EPHB1: variants seen among roughly 807,000 people sequenced by gnomAD.
EPHB1 encodes the protein EPH receptor B1.
Under a neutral mutation model 94.4 loss-of-function variants are expected in EPHB1, and 30 were observed. The observed-to-expected ratio is 0.32, with a 90% confidence interval of 0.24 to 0.43. EPHB1 has a LOEUF of 0.43. Ranked by LOEUF, EPHB1 falls within the 20% of genes least tolerant of loss-of-function variation. EPHB1 has a pLI of 1.00. For synonymous variants in EPHB1, 522 were observed against 489.1 expected (o/e 1.07, Z -0.89); for missense variants, 1,055 against 1,308.3 (o/e 0.81, Z 2.99).
At chr3:135,001,490 C>A in intron 3 of EPHB1, among the ~76,000 whole-genome samples, 1 of 152,184 alleles carries the variant, frequency 6.6e-6, no homozygotes, top group Non-Finnish European at 1.5e-5. Context: ...TTTAAAAGAT[C>A]ATATGCCAAT....
chr3:134,815,136 T>C (rs903097880), intron 1 of EPHB1, among the ~76,000 whole-genome samples: 1 of 152,232 alleles, frequency 6.6e-6, no homozygotes, highest in Non-Finnish European at 1.5e-5. Flanking sequence ...TTAAAGGATA[T>C]GATTTGGACA....
At chr3:134,956,292 T>C (rs1038627416) in intron 3 of EPHB1, among the ~76,000 whole-genome samples, 1 of 152,154 alleles carries the variant, frequency 6.6e-6, no homozygotes, top group Non-Finnish European at 1.5e-5. Flanking sequence ...TATGTGGATC[T>C]GTTCTTCCCC....
At chr3:135,213,415 T>C (rs1015783310) in intron 12 of EPHB1, among the ~76,000 whole-genome samples, 3 of 152,266 alleles carry the variant, frequency 2.0e-5, no homozygotes, top group African/African-American at 7.2e-5. Context: ...TATTTCTGAA[T>C]GTCGTTATGT....
chr3:134,798,203 C>G (rs1186956291), intron 1 of EPHB1, among the ~76,000 whole-genome samples: 2 of 152,168 alleles, frequency 1.3e-5, no homozygotes, highest in Admixed American at 1.3e-4. Flanking sequence ...CCATCCAGGG[C>G]AAATTGCTCT....
intron 1 of EPHB1, 90 bp from the exon 2 acceptor site, chr3:134,925,726 A>C: frequency 9.0e-7 from 1 of 1,111,526 alleles, no homozygotes; most frequent in East Asian, 2.8e-5. Context: ...ATTTACTATC[A>C]CAAACAACTT....
At chr3:134,814,566 G>A (rs543253178) in intron 1 of EPHB1, among the ~76,000 whole-genome samples, 1 of 152,274 alleles carries the variant, frequency 6.6e-6, no homozygotes, top group South Asian at 2.1e-4. Context: ...TGATAGAAAA[G>A]GCAGGGCATA....
At chr3:135,090,810 T>C (rs1329878369) in intron 3 of EPHB1, among the ~76,000 whole-genome samples, 1 of 152,244 alleles carries the variant, frequency 6.6e-6, no homozygotes, top group African/African-American at 2.4e-5. Flanking sequence ...CTCAAAGCTT[T>C]TGCTCTGCCA....
At chr3:135,038,870 C>T (rs1248494223) in intron 3 of EPHB1, among the ~76,000 whole-genome samples, 1 of 152,124 alleles carries the variant, frequency 6.6e-6, no homozygotes, top group Admixed American at 6.5e-5. Flanking sequence ...ATGCTGGCTC[C>T]AGCAGCCTGC....
rs746798014 is a variant in EPHB1, at chr3:135,201,570, C to T, written c.2227C>T (p.Arg743Trp). The T allele has an allele frequency of 4.3e-6, 7 of 1,613,970 alleles. No homozygotes were observed. The highest frequency in any genetic ancestry group is 3.3e-5 in the Admixed American group (2 of 60,000). The change falls in exon 12 of 16, where the codon CGG (arginine) becomes TGG (tryptophan). Residue 743 changes from arginine to tryptophan, a missense_variant. Arg to Trp is a moderately radical substitution (Grantham distance 101). Coordinates refer to ENST00000398015, the MANE Select transcript of EPHB1 (RefSeq NM_004441.5). ...KYLAEMNYVH[R>W]DLAARNILVN... is the part of the protein sequence containing the mutation. ...CCTGGCTGAGATGAATTATGTGCAT[C>T]GGGACCTGGCTGCTAGGAACATTCT...
At chr3:135,127,416 T>G (rs1483288715) in intron 4 of EPHB1, among the ~76,000 whole-genome samples, 1 of 152,192 alleles carries the variant, frequency 6.6e-6, no homozygotes, top group Non-Finnish European at 1.5e-5. Context: ...GCTCCAACCT[T>G]GTGGACAACC....
intron 1 of EPHB1, among the ~76,000 whole-genome samples, chr3:134,912,067 A>G (rs1560292999): frequency 6.6e-6 from 1 of 152,188 alleles, no homozygotes; most frequent in Non-Finnish European, 1.5e-5. Context: ...AGCCTGGGCC[A>G]CCATCCATCG....
chr3:134,857,913 C>A (rs1375629008), intron 1 of EPHB1, among the ~76,000 whole-genome samples: 1 of 151,786 alleles, frequency 6.6e-6, no homozygotes, highest in African/African-American at 2.4e-5. Flanking sequence ...AACACATTGG[C>A]ATCTTGGTTT....
intron 3 of EPHB1, among the ~76,000 whole-genome samples, chr3:135,059,930 A>G (rs73864241): frequency 0.089 from 13,554 of 152,204 alleles, 802 homozygotes; most frequent in African/African-American, 0.17. Flanking sequence ...TGCCTGCAGG[A>G]GCCCAGCCAG....
At chr3:134,916,547 C>T (rs901407182) in intron 1 of EPHB1, among the ~76,000 whole-genome samples, 1 of 152,238 alleles carries the variant, frequency 6.6e-6, no homozygotes, top group African/African-American at 2.4e-5. Context: ...GAGTGCAGCT[C>T]CAGTGGGCTG....
chr3:135,187,587 G>T (rs754840276), intron 10 of EPHB1, among the ~76,000 whole-genome samples: 2 of 152,058 alleles, frequency 1.3e-5, no homozygotes, highest in African/African-American at 4.8e-5. Context: ...AGTGACACAG[G>T]GTCTTGATTT....
chr3:135,006,928 G>A (rs1373181944), intron 3 of EPHB1, among the ~76,000 whole-genome samples: 1 of 152,140 alleles, frequency 6.6e-6, no homozygotes, highest in East Asian at 1.9e-4. Flanking sequence ...CCCGACAGCT[G>A]AAACATGGTA....
chr3:135,162,084 C>T lies in EPHB1; in HGVS notation c.1489C>T (p.Arg497Trp), dbSNP rs371083718. The change falls in exon 7 of 16, where the codon CGG (arginine) becomes TGG (tryptophan). Residue 497 changes from arginine to tryptophan, a missense_variant. Transcript: ENST00000398015. The part of the protein sequence containing the change: ...QTNTARIDGL[R>W]PGMVYVVQVR... ...CAACACAGCAAGGATTGATGGGCTG[C>T]GGCCTGGCATGGTATATGTGGTACA... is the stretch of plus-strand genomic sequence containing the variant. The T allele has an allele frequency of 1.9e-6, 3 of 1,613,532 alleles. No individual in the cohort carries two copies. Among genetic ancestry groups the T allele is most frequent in the Admixed American group, 1.7e-5 (1 of 59,990 alleles).
chr3:135,251,052 AT>A lies in EPHB1; in HGVS notation c.2846+1573del, dbSNP rs71245397. On this transcript the variant is annotated intron_variant, in intron 15 of 15. Transcript: ENST00000398015. ...GTCCAGCTCTACCTCTCTGAGGTCT[AT>A]TTTTTTTTTTTCAGAAATGATGGAG... 2.3e-3 allele frequency among the ~76,000 whole-genome samples: 331 copies of A among 142,500 alleles called. 2 individuals carry two copies. The highest frequency in any genetic ancestry group is 7.7e-3 in the Admixed American group (110 of 14,198). 93.5% of individuals were successfully genotyped at this position (142,500 alleles called of 152,430 possible).
intron 3 of EPHB1, among the ~76,000 whole-genome samples, chr3:134,973,995 A>G (rs1400194792): frequency 6.6e-6 from 1 of 152,216 alleles, no homozygotes; most frequent in East Asian, 1.9e-4. Flanking sequence ...CCCAAAGGCC[A>G]GCAGGAAGTT....
Sources: gnomAD v4.1 joint callset for allele counts (sites outside exome capture counted in the v4.1 genomes callset) on GRCh38, gnomAD v4.1.1 for gene constraint, MANE v1.5 for transcripts, NCBI Gene and HGNC (gene_info 2026-07-23, HGNC 2026-07-21) for gene names.